Variants in ASAP1 observed in about 807,000 individuals in gnomAD.
ASAP1 encodes the protein arf-GAP with SH3 domain, ANK repeat and PH domain-containing protein 1.
In ASAP1, 43 loss-of-function variants were observed where a neutral mutation model predicts 145.2. The ratio of observed to expected loss-of-function variants is 0.30; its 90% CI spans 0.23 to 0.38. ASAP1 has a LOEUF of 0.38. Among genes scored for constraint, ASAP1 ranks in the 10% least tolerant of loss-of-function variants. ASAP1 has a pLI of 1.00. For missense variants in ASAP1, 1,018 were observed against 1,355.3 expected, an observed-to-expected ratio of 0.75 and a Z score of 3.91; for synonymous variants, 546 against 515.5, an observed-to-expected ratio of 1.06 and a Z score of -0.80.
At chr8:130,359,975 C>T (rs1826632453) in intron 2 of ASAP1, among the ~76,000 whole-genome samples, 1 of 152,250 alleles carries the variant, frequency 6.6e-6, no homozygotes, top group Admixed American at 6.5e-5. Context: ...CCCCTGACTA[C>T]AAGGGAGTGC....
chr8:130,306,805 C>T (rs972211793), intron 3 of ASAP1, among the ~76,000 whole-genome samples: 1 of 152,164 alleles, frequency 6.6e-6, no homozygotes, highest in African/African-American at 2.4e-5. Flanking sequence ...TTGTATTCCC[C>T]ATCTCTCTGT....
chr8:130,351,121 T>C (rs1403699706), intron 3 of ASAP1, among the ~76,000 whole-genome samples: 1 of 152,224 alleles, frequency 6.6e-6, no homozygotes, highest in Admixed American at 6.5e-5. Context: ...CCCAAACTCT[T>C]TCTCTCTAGC....
chr8:130,415,480 AAAAACAAAAC>A (rs527627505), intron 1 of ASAP1, among the ~76,000 whole-genome samples: 4 of 152,112 alleles, frequency 2.6e-5, no homozygotes, highest in African/African-American at 9.7e-5. Flanking sequence ...TGTCTCTTAA[AAAAACAAAAC>A]AAAACAAAAC....
chr8:130,395,486 G>A (rs545937475), intron 2 of ASAP1, among the ~76,000 whole-genome samples: 1 of 152,190 alleles, frequency 6.6e-6, no homozygotes, highest in African/African-American at 2.4e-5. Flanking sequence ...GCAGAATGCC[G>A]CAGGACAACA....
chr8:130,283,356 G>A (rs923708223), intron 3 of ASAP1, among the ~76,000 whole-genome samples: 1 of 152,146 alleles, frequency 6.6e-6, no homozygotes, highest in Non-Finnish European at 1.5e-5. Context: ...TGAGGCGGGT[G>A]GATCACGAGG....
In ASAP1 at chr8:130,366,886, C is replaced by CTTT. The variant is rs905755447; in HGVS notation, c.60-8746_60-8744dup. 1.7e-3 allele frequency among the ~76,000 whole-genome samples: 167 copies of CTTT among 99,174 alleles called. 2 individuals carry two copies. The highest frequency in any genetic ancestry group is 3.0e-3 in the African/African-American group (74 of 24,744). The allele number at this position is 99,174 out of a possible 152,430, so 65.1% of individuals were successfully genotyped here. The stretch of plus-strand genomic sequence containing the variant: ...TCTAAACAGGTACTATGCTAGATTC[C>CTTT]TTTTTTTTTTTTTTTTTTTTTTGAG... On this transcript the variant is annotated intron_variant, in intron 2 of 29. Transcript: ENST00000518721.
At position 130,124,092 on chromosome 8, in the gene ASAP1, C is replaced by G; in HGVS notation, c.1528G>C (p.Val510Leu). ...GTSELLLAKN[V>L]GNNSFNDIME... ...ATATCATTAAAACTATTGTTTCCTA[C>G]ATTCTTGGCCAGCTGTAACAGAAAA... Residue 510 changes from valine to leucine, a missense_variant, in exon 18 of 30, where the codon GTA becomes CTA. Transcript: ENST00000518721. 1 of 1,602,510 alleles carries G rather than the reference C, an allele frequency of 6.2e-7. No individual in the cohort carries two copies. The highest frequency in any genetic ancestry group is 8.5e-7 in the Non-Finnish European group (1 of 1,176,956).
rs1205602238 is a variant in ASAP1 at position 130,276,800 on chromosome 8, A to G, written c.187-39806T>C. Among the ~76,000 whole-genome samples the G allele has an allele frequency of 2.7e-5, 4 of 150,298 alleles. No individual in the cohort carries two copies. The East Asian group carries it at 6.0e-4, about 22-fold the overall frequency. ...GCTCCATGGCAGCATGAGAGACCCT[A>G]AACTATGAGAAGGTGGAAAGTGTGA... On this transcript the variant is annotated intron_variant, in intron 3 of 29. Transcript: ENST00000518721.
At chr8:130,252,771 T>C (rs911483832) in intron 3 of ASAP1, among the ~76,000 whole-genome samples, 2 of 152,094 alleles carry the variant, frequency 1.3e-5, no homozygotes, top group African/African-American at 4.8e-5. Flanking sequence ...AAAATAATAA[T>C]TATAGGTACA....
At chr8:130,336,129 G>A (rs1586853669) in intron 3 of ASAP1, among the ~76,000 whole-genome samples, 1 of 152,268 alleles carries the variant, frequency 6.6e-6, no homozygotes, top group South Asian at 2.1e-4. Flanking sequence ...TTCAGAAACA[G>A]CCCTGTGAAA....
chr8:130,177,199 GAAT>G (rs2136146068), intron 9 of ASAP1, among the ~76,000 whole-genome samples: 1 of 152,288 alleles, frequency 6.6e-6, no homozygotes, highest in East Asian at 1.9e-4. Flanking sequence ...AAGAATAAGA[GAAT>G]AAAGGGAGGA....
chr8:130,061,166 C>T, intron 27 of ASAP1, 97 bp from the exon 28 acceptor site: 1 of 1,433,452 alleles, frequency 7.0e-7, no homozygotes, highest in Non-Finnish European at 9.2e-7. Context: ...AGGGAACTGA[C>T]CTATAGTGAG....
chr8:130,166,976 T>G (rs913586750), intron 11 of ASAP1, among the ~76,000 whole-genome samples: 1 of 152,190 alleles, frequency 6.6e-6, no homozygotes, highest in African/African-American at 2.4e-5. Flanking sequence ...CATATGCTCC[T>G]GAAGTGCATG....
chr8:130,132,280 T>A (rs2097584350), intron 15 of ASAP1, among the ~76,000 whole-genome samples: 1 of 152,194 alleles, frequency 6.6e-6, no homozygotes, highest in African/African-American at 2.4e-5. Flanking sequence ...TCAATAACTA[T>A]TACCCATTTT....
intron 2 of ASAP1, among the ~76,000 whole-genome samples, chr8:130,385,607 ACT>A (rs1322469769): frequency 6.6e-6 from 1 of 151,914 alleles, no homozygotes; most frequent in East Asian, 1.9e-4. Flanking sequence ...CTGGTCTCTG[ACT>A]CTCTCAGAGG....
chr8:130,429,743 G>A (rs1032061350), intron 1 of ASAP1, among the ~76,000 whole-genome samples: 5 of 152,162 alleles, frequency 3.3e-5, no homozygotes, highest in African/African-American at 1.2e-4. Context: ...ACTTGTTCCA[G>A]AAGGAGAACA....
At chr8:130,087,459 A>G (rs1396897340) in intron 25 of ASAP1, among the ~76,000 whole-genome samples, 1 of 152,070 alleles carries the variant, frequency 6.6e-6, no homozygotes, top group East Asian at 1.9e-4. Context: ...GGTGGAGGTT[A>G]CAGTGAGCTG....
intron 3 of ASAP1, among the ~76,000 whole-genome samples, chr8:130,322,594 C>A (rs1003882561): frequency 1.3e-4 from 20 of 152,208 alleles, no homozygotes; most frequent in African/African-American, 4.8e-4. Flanking sequence ...GACCTTCTAA[C>A]AATTCCTTTG....
chr8:130,278,137 C>A (rs1290758249), intron 3 of ASAP1, among the ~76,000 whole-genome samples: 1 of 151,646 alleles, frequency 6.6e-6, no homozygotes, highest in Non-Finnish European at 1.5e-5. Flanking sequence ...TCCCTCAAAC[C>A]ATGAGTTCTT....
Sources: gnomAD v4.1 joint callset for allele counts (sites outside exome capture counted in the v4.1 genomes callset) on GRCh38, gnomAD v4.1.1 for gene constraint, MANE v1.5 for transcripts, NCBI Gene and HGNC (gene_info 2026-07-23, HGNC 2026-07-21) for gene names.